The following CAMKMT variants were observed in gnomAD, a reference collection of about 807,000 sequenced individuals.
CAMKMT encodes the protein calmodulin-lysine N-methyltransferase.
A neutral mutation model predicts 48.0 loss-of-function variants in CAMKMT; 53 were observed. The ratio of observed to expected loss-of-function variants is 1.10; its 90% confidence interval spans 0.89 to 1.39. CAMKMT has a LOEUF of 1.39. Ranked by LOEUF, CAMKMT falls within the 40% of genes most tolerant of loss-of-function variation. The pLI, the probability that CAMKMT is intolerant of heterozygous loss-of-function variation, is 0.00. For missense variants in CAMKMT, 428 were observed against 402.7 expected (o/e 1.06, Z -0.54); for synonymous variants, 165 against 152.3 (o/e 1.08, Z -0.61).
intron 3 of CAMKMT, among the ~76,000 whole-genome samples, chr2:44,677,740 G>A (rs1675795336): frequency 6.6e-6 from 1 of 151,978 alleles, no homozygotes; most frequent in African/African-American, 2.4e-5. Context: ...CTTTTAGAAG[G>A]TTGTGTTATT....
intron 3 of CAMKMT, chr2:44,401,250 C>G (rs890357857): frequency 6.6e-6 from 1 of 152,056 alleles, no homozygotes; most frequent in Non-Finnish European, 1.5e-5. Flanking sequence ...TTCTCACCAG[C>G]AAACATGTTT....
At chr2:44,741,255 G>T (rs1485732126) in intron 7 of CAMKMT, among the ~76,000 whole-genome samples, 1 of 152,184 alleles carries the variant, frequency 6.6e-6, no homozygotes, top group African/African-American at 2.4e-5. Context: ...ATGCTCTCAC[G>T]AGCATGCATG....
intron 1 of CAMKMT, among the ~76,000 whole-genome samples, chr2:44,368,485 A>G (rs911156831): frequency 6.6e-6 from 1 of 152,210 alleles, no homozygotes; most frequent in African/African-American, 2.4e-5. Flanking sequence ...TGTTACTTTC[A>G]TTGAGTATTA....
At chr2:44,544,393 G>C (rs1667283068) in intron 3 of CAMKMT, among the ~76,000 whole-genome samples, 2 of 152,144 alleles carry the variant, frequency 1.3e-5, no homozygotes, top group South Asian at 4.1e-4. Flanking sequence ...TTCTACAATT[G>C]ATTGAGTTAC....
At chr2:44,440,477 T>C (rs555789284) in intron 3 of CAMKMT, among the ~76,000 whole-genome samples, 1 of 149,642 alleles carries the variant, frequency 6.7e-6, no homozygotes, top group Non-Finnish European at 1.5e-5. Flanking sequence ...CTTTCACCTA[T>C]AAAAGATACA....
At chr2:44,532,070 T>TATTTTCCAAA (rs1666513315) in intron 3 of CAMKMT, among the ~76,000 whole-genome samples, 1 of 152,240 alleles carries the variant, frequency 6.6e-6, no homozygotes. Context: ...AATGTGTATA[T>TATTTTCCAAA]GTAGGTATGT....
At chr2:44,544,318 C>T (rs1667278643) in intron 3 of CAMKMT, among the ~76,000 whole-genome samples, 2 of 152,156 alleles carry the variant, frequency 1.3e-5, no homozygotes, top group Admixed American at 1.3e-4. Context: ...CAAATCAAGA[C>T]TTCCAGCAGC....
At chr2:44,696,628 G>C (rs1676971550) in intron 3 of CAMKMT, among the ~76,000 whole-genome samples, 2 of 152,082 alleles carry the variant, frequency 1.3e-5, no homozygotes, top group Admixed American at 6.5e-5. Flanking sequence ...GCCAGGTGGA[G>C]TGACTAAGTG....
chr2:44,481,731 G>C (rs535773832), intron 3 of CAMKMT, among the ~76,000 whole-genome samples: 1 of 151,928 alleles, frequency 6.6e-6, no homozygotes, highest in Middle Eastern at 3.2e-3. Flanking sequence ...AAATCATTTC[G>C]ATGAATGACA....
At chr2:44,768,573 G>A (rs1456621471) in intron 10 of CAMKMT, among the ~76,000 whole-genome samples, 1 of 151,866 alleles carries the variant, frequency 6.6e-6, no homozygotes, top group Non-Finnish European at 1.5e-5. Context: ...GGAGGGAGCG[G>A]GCAGCGCCGC....
chr2:44,761,849 C>G (rs1011371489), intron 9 of CAMKMT, among the ~76,000 whole-genome samples: 1 of 152,094 alleles, frequency 6.6e-6, no homozygotes, highest in Admixed American at 6.6e-5. Flanking sequence ...GGTTAGCAGT[C>G]AAGAATATTG....
intron 3 of CAMKMT, among the ~76,000 whole-genome samples, chr2:44,551,107 T>TA (rs1667691386): frequency 7.3e-6 from 1 of 137,788 alleles, no homozygotes; most frequent in Admixed American, 7.5e-5. Context: ...CAGGGTAGAG[T>TA]ACGTGGCAGT....
intron 3 of CAMKMT, among the ~76,000 whole-genome samples, chr2:44,440,567 A>T (rs763243716): frequency 2.6e-5 from 4 of 152,206 alleles, no homozygotes; most frequent in Non-Finnish European, 5.9e-5. Context: ...AAATTTAATG[A>T]ATTATGATAA....
intron 3 of CAMKMT, among the ~76,000 whole-genome samples, chr2:44,437,297 A>G (rs1347483264): frequency 1.3e-5 from 2 of 151,980 alleles, no homozygotes; most frequent in African/African-American, 2.4e-5. Flanking sequence ...TCTTTCTCCA[A>G]CTCCTTAATT....
intron 3 of CAMKMT, among the ~76,000 whole-genome samples, chr2:44,591,061 T>G (rs1463334027): frequency 2.0e-5 from 3 of 152,030 alleles, no homozygotes; most frequent in Non-Finnish European, 2.9e-5. Context: ...ATCAGATAGT[T>G]GTAGATATGT....
chr2:44,504,201 C>T (rs1399602509), intron 3 of CAMKMT, among the ~76,000 whole-genome samples: 1 of 152,090 alleles, frequency 6.6e-6, no homozygotes, highest in Non-Finnish European at 1.5e-5. Context: ...GACCATAACA[C>T]AACCCAGAAC....
intron 3 of CAMKMT, among the ~76,000 whole-genome samples, chr2:44,596,683 C>T (rs1235814259): frequency 6.6e-6 from 1 of 152,110 alleles, no homozygotes; most frequent in East Asian, 1.9e-4. Context: ...ACAATGAGGT[C>T]ATGATCAGTT....
At chr2:44,362,192 T>C in intron 1 of CAMKMT, 47 bp downstream of exon 1, 1 of 1,392,302 alleles carries the variant, frequency 7.2e-7, no homozygotes, top group Non-Finnish European at 9.3e-7. Flanking sequence ...GTCACTCCTC[T>C]CTCACGTACC....
At chr2:44,365,154 A>G (rs981352910) in intron 1 of CAMKMT, among the ~76,000 whole-genome samples, 3 of 152,196 alleles carry the variant, frequency 2.0e-5, no homozygotes, top group South Asian at 2.1e-4. Flanking sequence ...AGTGCTAGAG[A>G]TATGTGACTC....
Sources: allele counts gnomAD v4.1 joint callset (sites outside exome capture counted in the v4.1 genomes callset), GRCh38; gene constraint gnomAD v4.1.1; transcripts MANE v1.5; gene names NCBI Gene and HGNC (gene_info 2026-07-23, HGNC 2026-07-21).